Variants in RABGAP1L observed in about 807,000 individuals in gnomAD.
RABGAP1L encodes the protein RAB GTPase activating protein 1 like, also known as rab GTPase-activating protein 1-like.
A neutral mutation model predicts 137.7 loss-of-function variants in RABGAP1L; 63 were observed. That is an observed-to-expected ratio of 0.46 (90% CI 0.37 to 0.56). The LOEUF is 0.56. Ranked by LOEUF, RABGAP1L falls within the 20% of genes least tolerant of loss-of-function variation. RABGAP1L has a pLI of 0.00. For missense variants in RABGAP1L, 1,095 were observed against 1,244.0 expected (o/e 0.88, Z 1.80); for synonymous variants, 431 against 433.7 (o/e 0.99, Z 0.08).
intron 13 of RABGAP1L, chr1:174,547,938 T>C (rs770215770): frequency 2.6e-6 from 4 of 1,550,396 alleles, no homozygotes; most frequent in Non-Finnish European, 2.6e-6. Flanking sequence ...AGCTGCAATT[T>C]GACATTAGAC....
At chr1:174,636,906 A>G (rs976991706) in intron 13 of RABGAP1L, among the ~76,000 whole-genome samples, 4 of 152,176 alleles carry the variant, frequency 2.6e-5, no homozygotes, top group African/African-American at 9.7e-5. Context: ...ATATAAATAG[A>G]AAAAAATGCA....
intron 11 of RABGAP1L, among the ~76,000 whole-genome samples, chr1:174,350,068 G>A (rs1233715860): frequency 7.4e-6 from 1 of 135,740 alleles, no homozygotes; most frequent in African/African-American, 2.8e-5. Context: ...CCCGGACGGG[G>A]CGGCTGGCTG....
chr1:174,185,782 T>C (rs552923112), intron 1 of RABGAP1L, among the ~76,000 whole-genome samples: 9 of 152,194 alleles, frequency 5.9e-5, no homozygotes, highest in Non-Finnish European at 1.3e-4. Context: ...TTTGATATAT[T>C]GGCAAGTATT....
intron 11 of RABGAP1L, among the ~76,000 whole-genome samples, chr1:174,335,807 T>C (rs1248137515): frequency 6.6e-6 from 1 of 152,236 alleles, no homozygotes; most frequent in East Asian, 1.9e-4. Flanking sequence ...GAAGAGGGCA[T>C]ATTTGTGTAT....
At chr1:174,269,777 T>G (rs986750575) in intron 7 of RABGAP1L, among the ~76,000 whole-genome samples, 1 of 152,296 alleles carries the variant, frequency 6.6e-6, no homozygotes, top group East Asian at 1.9e-4. Flanking sequence ...ACGAATGATA[T>G]CAGATTCTAA....
chr1:174,507,145 T>C lies in RABGAP1L; in HGVS notation c.1710+113000T>C, dbSNP rs1444666456. ...TATGAGAAGAAATAGCTTAATAAAT[T>C]GACAATGTTCACCTAAAATGAGTAA... On this transcript the variant is annotated intron_variant, in intron 13 of 25. Coordinates refer to ENST00000681986, the MANE Select transcript of RABGAP1L (RefSeq NM_001366446.1). 1.3e-5 allele frequency among the ~76,000 whole-genome samples: 2 copies of C among 152,146 alleles called. 1 individual carries two copies. Among genetic ancestry groups the C allele is most frequent in the Non-Finnish European group, 2.9e-5 (2 of 68,030 alleles).
chr1:174,215,854 C>T (rs1571589507), intron 1 of RABGAP1L, among the ~76,000 whole-genome samples: 1 of 152,122 alleles, frequency 6.6e-6, no homozygotes, highest in East Asian at 1.9e-4. Flanking sequence ...TCTGCACTCC[C>T]TTGTTTATTG....
At chr1:174,166,068 G>C (rs1664884317) in intron 1 of RABGAP1L, among the ~76,000 whole-genome samples, 1 of 152,124 alleles carries the variant, frequency 6.6e-6, no homozygotes, top group East Asian at 1.9e-4. Flanking sequence ...ACATTGAACA[G>C]GATTTATATG....
chr1:174,615,676 C>T (rs1013904822), intron 13 of RABGAP1L, among the ~76,000 whole-genome samples: 1 of 152,222 alleles, frequency 6.6e-6, no homozygotes, highest in African/African-American at 2.4e-5. Context: ...GCCCTGCCCC[C>T]AGAGGTGGAG....
chr1:174,979,542 G>C (rs1670922865), intron 23 of RABGAP1L, among the ~76,000 whole-genome samples: 1 of 152,200 alleles, frequency 6.6e-6, no homozygotes, highest in African/African-American at 2.4e-5. Flanking sequence ...TCTTTGTGAA[G>C]TTTAGTTATT....
chr1:174,178,560 T>C (rs1666083336), intron 1 of RABGAP1L, among the ~76,000 whole-genome samples: 1 of 152,266 alleles, frequency 6.6e-6, no homozygotes, highest in African/African-American at 2.4e-5. Context: ...CTATTTACAA[T>C]AGCAAAGACT....
intron 19 of RABGAP1L, among the ~76,000 whole-genome samples, chr1:174,886,238 C>T (rs912640532): frequency 1.1e-4 from 17 of 152,016 alleles, no homozygotes; most frequent in Admixed American, 3.3e-4. Context: ...TCTCGACCTC[C>T]CGATCTTAGG....
chr1:174,354,238 CTTTT>C (rs200144941), intron 11 of RABGAP1L, among the ~76,000 whole-genome samples: 7 of 147,546 alleles, frequency 4.7e-5, no homozygotes, highest in Non-Finnish European at 9.0e-5. Context: ...CACTTTGCTT[CTTTT>C]TTTTTTAAAT....
chr1:174,725,875 C>T (rs1054086339), intron 17 of RABGAP1L, among the ~76,000 whole-genome samples: 1 of 151,946 alleles, frequency 6.6e-6, no homozygotes, highest in Non-Finnish European at 1.5e-5. Context: ...ATACCTAATG[C>T]TAAATGACGA....
At position 174,406,665 on chromosome 1, in the gene RABGAP1L, G is replaced by A. The variant is rs976028073; in HGVS notation, c.1710+12520G>A. The stretch of plus-strand genomic sequence containing the variant: ...TAAAATCAGTACTTGCCTGGGCATG[G>A]TGGCTCATGCTTTAATCTCAATACT... On this transcript the variant is annotated intron_variant, in intron 13 of 25. Transcript: ENST00000681986. Among the ~76,000 whole-genome samples the A allele has an allele frequency of 9.3e-5, 9 of 96,788 alleles. No homozygotes were observed. The East Asian group carries it at 2.7e-3, about 29-fold the overall frequency. The allele number at this position is 96,788 out of a possible 152,430, so 63.5% of individuals were successfully genotyped here.
At chr1:174,842,227 T>G (rs929918961) in intron 19 of RABGAP1L, among the ~76,000 whole-genome samples, 1 of 152,226 alleles carries the variant, frequency 6.6e-6, no homozygotes, top group East Asian at 1.9e-4. Context: ...CATGTTGAAT[T>G]CTTCAGCATC....
At chr1:174,202,370 G>T (rs1304158046) in intron 1 of RABGAP1L, among the ~76,000 whole-genome samples, 1 of 152,172 alleles carries the variant, frequency 6.6e-6, no homozygotes, top group Non-Finnish European at 1.5e-5. Flanking sequence ...GTATCTCATT[G>T]TGGTTTTGAT....
intron 13 of RABGAP1L, among the ~76,000 whole-genome samples, chr1:174,432,084 A>G (rs573778614): frequency 1.3e-4 from 20 of 152,278 alleles, no homozygotes; most frequent in South Asian, 2.1e-4. Context: ...CATAGTACCC[A>G]TAGTTTTTTA....
intron 18 of RABGAP1L, among the ~76,000 whole-genome samples, chr1:174,766,052 C>T (rs1264285103): frequency 6.6e-6 from 1 of 152,022 alleles, no homozygotes; most frequent in African/African-American, 2.4e-5. Flanking sequence ...TAGGGTGGGC[C>T]CTAGTCCAAT....
Sources: allele counts gnomAD v4.1 joint callset (sites outside exome capture counted in the v4.1 genomes callset), GRCh38; gene constraint gnomAD v4.1.1; transcripts MANE v1.5; gene names NCBI Gene and HGNC (gene_info 2026-07-23, HGNC 2026-07-21).